APPBP2: variants seen among roughly 807,000 people sequenced by gnomAD.
The protein encoded by APPBP2 is amyloid protein-binding protein 2.
A neutral mutation model predicts 76.0 loss-of-function variants in APPBP2; 15 were observed. The ratio of observed to expected loss-of-function variants is 0.20; its 90% confidence interval spans 0.13 to 0.30. The LOEUF (loss-of-function observed/expected upper bound fraction) is 0.30, where lower values mean the gene tolerates loss of function less well. Among genes scored for constraint, APPBP2 ranks in the 10% least tolerant of loss-of-function variants. The pLI, the probability that APPBP2 is intolerant of heterozygous loss-of-function variation, is 1.00. For synonymous variants in APPBP2, 222 were observed against 242.2 expected, an observed-to-expected ratio of 0.92 and a Z score of 0.77; for missense variants, 401 against 687.2, an observed-to-expected ratio of 0.58 and a Z score of 4.66.
intron 9 of APPBP2, among the ~76,000 whole-genome samples, chr17:60,459,342 A>C (rs2090457768): frequency 6.6e-6 from 1 of 152,122 alleles, no homozygotes. Flanking sequence ...CATTATCCCT[A>C]AACTCAAGAG....
rs1168154931 is a variant in APPBP2, at chr17:60,526,207, C to G, written c.-276G>C. 6.9e-6 allele frequency: 3 copies of G among 437,700 alleles called. No homozygotes were observed. The Admixed American group carries it at 1.1e-4, about 16-fold the overall frequency. The allele number at this position is 437,700 out of a possible 1,614,324, so 27.1% of individuals were successfully genotyped here. A position where few individuals can be genotyped will look rare whatever the true frequency, so the allele number is the denominator to read the frequency against. On this transcript the variant is annotated 5_prime_UTR_variant, in exon 1 of 13. Coordinates refer to ENST00000083182, the MANE Select transcript of APPBP2 (RefSeq NM_006380.5). ...TTCGAGAGGAACCCGGGTTCCGTCC[C>G]AGCGCTGATCTCTGCAGGGGCGGGG... is the stretch of plus-strand genomic sequence containing the variant.
At chr17:60,449,131 T>C (rs1005173411) in intron 12 of APPBP2, among the ~76,000 whole-genome samples, 4 of 152,306 alleles carry the variant, frequency 2.6e-5, no homozygotes, top group Non-Finnish European at 5.9e-5. Flanking sequence ...TAAACGAATA[T>C]TGAACTCTAA....
intron 9 of APPBP2, 83 bp downstream of exon 9, chr17:60,460,580 T>C (rs532415854): frequency 7.2e-7 from 1 of 1,388,300 alleles, no homozygotes; most frequent in Admixed American, 2.1e-5. Flanking sequence ...ATTATTAATG[T>C]AATAATAGTT....
chr17:60,517,493 T>C (rs1465995147), intron 1 of APPBP2, among the ~76,000 whole-genome samples: 1 of 152,204 alleles, frequency 6.6e-6, no homozygotes, highest in East Asian at 1.9e-4. Context: ...TTTGCTGACA[T>C]AAAATTTTTT....
At chr17:60,475,739 T>C (rs1045210582) in intron 4 of APPBP2, among the ~76,000 whole-genome samples, 2 of 151,742 alleles carry the variant, frequency 1.3e-5, no homozygotes, top group Non-Finnish European at 2.9e-5. Flanking sequence ...GTTCTTTTTA[T>C]TATTTAAAAA....
chr17:60,462,200 T>C (rs2090480592), intron 6 of APPBP2, 139 bp from the exon 7 acceptor site: 1 of 679,344 alleles, frequency 1.5e-6, no homozygotes, highest in Non-Finnish European at 2.6e-6. Context: ...CTATTTGTAA[T>C]TTCTTTCCTT....
chr17:60,487,522 G>C (rs1012630126), intron 3 of APPBP2, among the ~76,000 whole-genome samples: 1 of 151,690 alleles, frequency 6.6e-6, no homozygotes, highest in African/African-American at 2.4e-5. Context: ...TGTAGTTCTC[G>C]CGCCATGGTT....
intron 3 of APPBP2, among the ~76,000 whole-genome samples, chr17:60,481,520 GAGA>G (rs1323232020): frequency 6.6e-6 from 1 of 152,164 alleles, no homozygotes; most frequent in Non-Finnish European, 1.5e-5. Context: ...ACATCTTGTT[GAGA>G]AGGAGAAAAT....
At chr17:60,476,601 A>G (rs1161857504) in intron 4 of APPBP2, among the ~76,000 whole-genome samples, 2 of 152,214 alleles carry the variant, frequency 1.3e-5, no homozygotes, top group Non-Finnish European at 2.9e-5. Flanking sequence ...TTTATTGTGA[A>G]ATTTCAAATT....
At chr17:60,493,128 A>G (rs1334615704) in intron 3 of APPBP2, among the ~76,000 whole-genome samples, 1 of 152,182 alleles carries the variant, frequency 6.6e-6, no homozygotes, top group East Asian at 1.9e-4. Context: ...CATATAAGAC[A>G]TGCCTTCCAC....
intron 3 of APPBP2, among the ~76,000 whole-genome samples, chr17:60,486,807 T>C (rs2090683056): frequency 6.6e-6 from 1 of 152,210 alleles, no homozygotes; most frequent in African/African-American, 2.4e-5. Flanking sequence ...TTTACAATTT[T>C]GCATGTTTTT....
At chr17:60,475,122 C>T (rs1598355190) in intron 4 of APPBP2, among the ~76,000 whole-genome samples, 1 of 151,884 alleles carries the variant, frequency 6.6e-6, no homozygotes, top group Non-Finnish European at 1.5e-5. Flanking sequence ...CCCAGCTACT[C>T]GGGAGGCTGA....
chr17:60,513,878 A>G (rs992336946), intron 1 of APPBP2, among the ~76,000 whole-genome samples: 5 of 151,708 alleles, frequency 3.3e-5, no homozygotes, highest in African/African-American at 7.3e-5. Flanking sequence ...AATAGAGCAT[A>G]TATGTACAAA....
At chr17:60,462,146 G>C in intron 6 of APPBP2, 85 bp from the exon 7 acceptor site, 5 of 1,036,472 alleles carry the variant, frequency 4.8e-6, no homozygotes, top group African/African-American at 1.6e-5. Context: ...CTGGCTATAA[G>C]AGTTAATAAG....
At chr17:60,462,948 C>CAAAA (rs59889728) in intron 6 of APPBP2, among the ~76,000 whole-genome samples, 1 of 65,498 alleles carries the variant, frequency 1.5e-5, no homozygotes, top group African/African-American at 4.5e-5. Flanking sequence ...GACTCCATCT[C>CAAAA]AAAAAAAAAA....
intron 1 of APPBP2, 131 bp downstream of exon 1, chr17:60,525,663 G>A (rs1452470837): frequency 2.9e-5 from 40 of 1,388,712 alleles, no homozygotes; most frequent in Non-Finnish European, 3.7e-5. Flanking sequence ...TGCAGACACC[G>A]CACCAGACGT....
In APPBP2 at chr17:60,454,771, T is replaced by C. The variant is rs139512893; in HGVS notation, c.1148-279A>G. Among the ~76,000 whole-genome samples the C allele has an allele frequency of 5.9e-3, 906 of 152,340 alleles. 10 individuals are homozygous for C. The highest frequency in any genetic ancestry group is 0.017 in the African/African-American group (718 of 41,576). ...TCTATTTTAATAGACTGCTATACTT[T>C]GCTGATGTGAAATTTGTTTTTCAAA... On this transcript the variant is annotated intron_variant, in intron 10 of 12. Coordinates refer to ENST00000083182, the MANE Select transcript of APPBP2 (RefSeq NM_006380.5).
At chr17:60,473,622 C>T (rs2090568959) in intron 4 of APPBP2, among the ~76,000 whole-genome samples, 1 of 152,124 alleles carries the variant, frequency 6.6e-6, no homozygotes, top group Non-Finnish European at 1.5e-5. Flanking sequence ...TGAGACCAGC[C>T]TGGGCAACAT....
At position 60,464,086 on chromosome 17, in the gene APPBP2, T is replaced by C. The variant is rs769122683; in HGVS notation, c.697A>G (p.Met233Val). 20 of 1,612,146 alleles carry C rather than the reference T, an allele frequency of 1.2e-5. No individual in the cohort carries two copies. The highest frequency in any genetic ancestry group is 2.2e-5 in the South Asian group (2 of 90,542). ...DEAYKWCIEA[M>V]KEITAGLPVK... ...GGTAAGCCTGCTGTAATTTCTTTCA[T>C]TGCCTCGATGCACCATTTGTATGCC... Residue 233 changes from methionine to valine, a missense_variant, in exon 6 of 13, where the codon ATG becomes GTG. Physicochemically the swap from Met to Val is conservative, Grantham distance 21 (BLOSUM62 1). Transcript: ENST00000083182.
Sources: gnomAD v4.1 joint callset for allele counts (sites outside exome capture counted in the v4.1 genomes callset) on GRCh38, gnomAD v4.1.1 for gene constraint, MANE v1.5 for transcripts, NCBI Gene and HGNC (gene_info 2026-07-23, HGNC 2026-07-21) for gene names.